The following RAPGEF4 variants were observed in gnomAD, a reference collection of about 807,000 sequenced individuals.
RAPGEF4 encodes Rap guanine nucleotide exchange factor 4.
Under a neutral mutation model 147.9 loss-of-function variants are expected in RAPGEF4, and 66 were observed. That is an observed-to-expected ratio of 0.45 (90% confidence interval 0.37 to 0.55). The LOEUF is 0.55. Among genes scored for constraint, RAPGEF4 ranks in the 20% least tolerant of loss-of-function variants. The pLI is 0.00. For missense variants in RAPGEF4, 1,071 were observed against 1,257.3 expected (o/e 0.85, Z 2.24); for synonymous variants, 419 against 442.7 (o/e 0.95, Z 0.67).
chr2:172,784,010 C>T (rs1022599474), intron 1 of RAPGEF4, among the ~76,000 whole-genome samples: 8 of 152,150 alleles, frequency 5.3e-5, no homozygotes, highest in African/African-American at 1.9e-4. Flanking sequence ...TTCATCTGTA[C>T]GTGAAGTCTC....
intron 17 of RAPGEF4, among the ~76,000 whole-genome samples, chr2:173,010,970 G>A (rs564822782): frequency 5.3e-5 from 8 of 152,214 alleles, no homozygotes; most frequent in African/African-American, 1.7e-4. Context: ...ATAAGTCAGC[G>A]CTTCCTTTTA....
intron 6 of RAPGEF4, among the ~76,000 whole-genome samples, chr2:172,938,883 C>G (rs1318271799): frequency 6.6e-6 from 1 of 152,188 alleles, no homozygotes; most frequent in Non-Finnish European, 1.5e-5. Flanking sequence ...TTTGTTTACT[C>G]TCGATAAAGT....
At chr2:172,764,017 G>T (rs1035178816) in intron 1 of RAPGEF4, among the ~76,000 whole-genome samples, 3 of 152,038 alleles carry the variant, frequency 2.0e-5, no homozygotes, top group Non-Finnish European at 4.4e-5. Flanking sequence ...GTGGGAGACC[G>T]AGATGGGAGG....
chr2:172,823,787 C>A (rs1437436562), intron 4 of RAPGEF4, among the ~76,000 whole-genome samples: 1 of 152,144 alleles, frequency 6.6e-6, no homozygotes, highest in African/African-American at 2.4e-5. Context: ...TAGCCCAAAC[C>A]AATAAATGCA....
chr2:172,912,846 AG>A (rs1683583277), intron 4 of RAPGEF4, among the ~76,000 whole-genome samples: 1 of 151,574 alleles, frequency 6.6e-6, no homozygotes, highest in Non-Finnish European at 1.5e-5. Context: ...CTGCAAAACA[AG>A]GGTGAGTGTG....
At chr2:172,806,015 CTGTGTGTGTGTGTGTGTGTGTGTGTG>C (rs36226317) in intron 3 of RAPGEF4, among the ~76,000 whole-genome samples, 2 of 145,422 alleles carry the variant, frequency 1.4e-5, no homozygotes, top group East Asian at 4.0e-4. Flanking sequence ...TATTATCCGG[CTGTGTGTGTGTGTGTGTGTGTGTGTG>C]TGTGTGTGTG....
chr2:172,996,447 A>G lies in RAPGEF4; in HGVS notation c.1491-19A>G, dbSNP rs1693372303. ...TGCCCACTTTTGAAAAATTAATGGCATTTTTGTTTCTTATCCAGGTATACT... is the reference window on the plus strand; with the variant it reads ...TGCCCACTTTTGAAAAATTAATGGCGTTTTTGTTTCTTATCCAGGTATACT... On this transcript the variant is annotated intron_variant, in intron 15 of 30. Transcript: ENST00000397081. 6.9e-7 allele frequency: 1 copy of G among 1,455,052 alleles called. No individual in the cohort carries two copies. 90.1% of individuals were successfully genotyped at this position (1,455,052 alleles called of 1,614,324 possible). A position where few individuals can be genotyped will look rare whatever the true frequency, so the allele number is the denominator to read the frequency against.
intron 15 of RAPGEF4, among the ~76,000 whole-genome samples, chr2:172,994,654 C>G (rs1693146685): frequency 6.6e-6 from 1 of 152,226 alleles, no homozygotes; most frequent in South Asian, 2.1e-4. Flanking sequence ...TCTTCCAGCT[C>G]ATCTGGTGAG....
At chr2:172,753,321 G>T (rs897676696) in intron 1 of RAPGEF4, among the ~76,000 whole-genome samples, 8 of 151,390 alleles carry the variant, frequency 5.3e-5, no homozygotes, top group African/African-American at 9.7e-5. Context: ...CAACAAAATG[G>T]AATGATTTTT....
intron 4 of RAPGEF4, among the ~76,000 whole-genome samples, chr2:172,855,782 T>C (rs1693346043): frequency 6.6e-6 from 1 of 152,224 alleles, no homozygotes; most frequent in Non-Finnish European, 1.5e-5. Context: ...CATTCCATTA[T>C]CTTCTATTCT....
At chr2:172,878,515 A>G (rs1173985085) in intron 4 of RAPGEF4, among the ~76,000 whole-genome samples, 5 of 152,202 alleles carry the variant, frequency 3.3e-5, no homozygotes, top group Admixed American at 3.3e-4. Context: ...CTGTTAAAAA[A>G]ACATCCAAGT....
chr2:172,966,549 CTCCA>C (rs1689861886), intron 9 of RAPGEF4, among the ~76,000 whole-genome samples: 1 of 152,142 alleles, frequency 6.6e-6, no homozygotes, highest in Admixed American at 6.5e-5. Context: ...AGTATTGATG[CTCCA>C]TCCTGAAAAG....
chr2:173,033,882 A>G (rs776417488), intron 26 of RAPGEF4, 32 bp from the exon 27 acceptor site: 9 of 1,603,646 alleles, frequency 5.6e-6, no homozygotes, highest in Admixed American at 5.1e-5. Context: ...TGAATCTGAC[A>G]TATGCGTGTG....
chr2:172,845,194 T>C (rs1692044386), intron 4 of RAPGEF4, among the ~76,000 whole-genome samples: 1 of 152,194 alleles, frequency 6.6e-6, no homozygotes, highest in Admixed American at 6.5e-5. Flanking sequence ...TTGAGTTATG[T>C]GGGGACAGGG....
chr2:172,963,088 G>A (rs543641100), intron 8 of RAPGEF4, among the ~76,000 whole-genome samples: 1 of 152,272 alleles, frequency 6.6e-6, no homozygotes, highest in East Asian at 1.9e-4. Flanking sequence ...AGATAGAGAA[G>A]GGGGTGGTGC....
At chr2:172,992,238 T>A (rs1692907539) in intron 15 of RAPGEF4, among the ~76,000 whole-genome samples, 1 of 152,248 alleles carries the variant, frequency 6.6e-6, no homozygotes, top group Non-Finnish European at 1.5e-5. Context: ...AAAATTACCA[T>A]AGAAATTTCC....
rs145499520 is a variant in RAPGEF4 at position 172,991,301 on chromosome 2, G to A, written c.1490+376G>A. On this transcript the variant is annotated intron_variant, in intron 15 of 30. Coordinates refer to ENST00000397081, the MANE Select transcript of RAPGEF4 (RefSeq NM_007023.4). ...TGAGAACTTTTGGTATTTGAATTTCGTATGCAGGATTTCGCGTGAAGTGTT... is the reference window on the plus strand; with the variant it reads ...TGAGAACTTTTGGTATTTGAATTTCATATGCAGGATTTCGCGTGAAGTGTT... 2.0e-3 allele frequency among the ~76,000 whole-genome samples: 302 copies of A among 152,278 alleles called. 3 individuals are homozygous for A. Among genetic ancestry groups the A allele is most frequent in the Middle Eastern group, 0.01 (3 of 294 alleles).
At chr2:172,768,178 A>G (rs1420276993) in intron 1 of RAPGEF4, among the ~76,000 whole-genome samples, 1 of 152,190 alleles carries the variant, frequency 6.6e-6, no homozygotes, top group Non-Finnish European at 1.5e-5. Flanking sequence ...TTGTGCAGAC[A>G]GTTCCCAATC....
intron 4 of RAPGEF4, among the ~76,000 whole-genome samples, chr2:172,897,788 G>C (rs1249321058): frequency 2.6e-5 from 1 of 38,064 alleles, no homozygotes; most frequent in Non-Finnish European, 5.7e-5. Flanking sequence ...GCAAACATCA[G>C]CCAGAGAGTT....
Sources: gnomAD v4.1 joint callset for allele counts (sites outside exome capture counted in the v4.1 genomes callset) on GRCh38, gnomAD v4.1.1 for gene constraint, MANE v1.5 for transcripts, NCBI Gene and HGNC (gene_info 2026-07-23, HGNC 2026-07-21) for gene names.